The following ADAM10 variants were observed in gnomAD, a reference collection of about 807,000 sequenced individuals.
ADAM10 encodes the protein disintegrin and metalloproteinase domain-containing protein 10.
Under a neutral mutation model 90.1 loss-of-function variants are expected in ADAM10, and 17 were observed. The ratio of observed to expected loss-of-function variants is 0.19; its 90% CI spans 0.13 to 0.28. ADAM10 has a LOEUF of 0.28. Ranked by LOEUF, ADAM10 falls within the 10% of genes least tolerant of loss-of-function variation. The pLI, the probability that ADAM10 is intolerant of heterozygous loss-of-function variation, is 1.00. For missense variants in ADAM10, 610 were observed against 914.3 expected, an observed-to-expected ratio of 0.67 and a Z score of 4.29; for synonymous variants, 310 against 298.6, an observed-to-expected ratio of 1.04 and a Z score of -0.40.
chr15:58,606,362 A>C (rs1371223940), intron 14 of ADAM10, among the ~76,000 whole-genome samples: 1 of 152,254 alleles, frequency 6.6e-6, no homozygotes, highest in Non-Finnish European at 1.5e-5. Context: ...TTTAAGCTCA[A>C]CCTGGGCAAG....
chr15:58,672,386 G>A (rs1897212930), intron 4 of ADAM10: 1 of 154,878 alleles, frequency 6.5e-6, no homozygotes, highest in Non-Finnish European at 1.4e-5. Context: ...ACAAGAAGCA[G>A]CACTCATGCT....
intron 1 of ADAM10, among the ~76,000 whole-genome samples, chr15:58,731,507 T>A (rs12900343): frequency 0.14 from 21,836 of 151,998 alleles, 1,840 homozygotes; most frequent in South Asian, 0.33. Flanking sequence ...ACACACTTGT[T>A]GTCCCAGCTG....
intron 3 of ADAM10, among the ~76,000 whole-genome samples, chr15:58,680,687 G>A (rs1028216069): frequency 6.6e-6 from 1 of 152,108 alleles, no homozygotes; most frequent in African/African-American, 2.4e-5. Flanking sequence ...TACCCATTAC[G>A]ATTCTCTGAT....
intron 4 of ADAM10, among the ~76,000 whole-genome samples, chr15:58,666,200 AC>A (rs1404439067): frequency 1.3e-5 from 2 of 150,228 alleles, no homozygotes; most frequent in African/African-American, 4.9e-5. Flanking sequence ...TTTAAATCCC[AC>A]AGTCAATTAT....
intron 2 of ADAM10, among the ~76,000 whole-genome samples, chr15:58,690,623 G>T (rs1346836237): frequency 1.3e-5 from 2 of 152,146 alleles, no homozygotes; most frequent in Non-Finnish European, 2.9e-5. Context: ...GGACAGAAGA[G>T]AAAAAATACT....
chr15:58,704,517 C>G (rs1567003951), intron 2 of ADAM10, among the ~76,000 whole-genome samples: 1 of 152,148 alleles, frequency 6.6e-6, no homozygotes, highest in Non-Finnish European at 1.5e-5. Flanking sequence ...CTCTTTACCA[C>G]TTAAAAATGG....
At chr15:58,729,625 A>C (rs1221798219) in intron 1 of ADAM10, among the ~76,000 whole-genome samples, 3 of 152,140 alleles carry the variant, frequency 2.0e-5, no homozygotes, top group African/African-American at 4.8e-5. Flanking sequence ...TGAAATCCAA[A>C]ATGTTCCAAA....
chr15:58,748,889 G>GCC (rs1899880324), intron 1 of ADAM10: 2 of 399,242 alleles, frequency 5.0e-6, no homozygotes, highest in East Asian at 7.1e-5. Context: ...TCCACGGGCG[G>GCC]CCCCTCTGCA....
At chr15:58,616,786 A>T (rs1232382954) in intron 11 of ADAM10, among the ~76,000 whole-genome samples, 1 of 152,188 alleles carries the variant, frequency 6.6e-6, no homozygotes, top group Non-Finnish European at 1.5e-5. Context: ...AGATCAGAGC[A>T]GAAATAAACA....
rs559181203 is a variant in ADAM10, at chr15:58,615,779, G to A, written c.1512-3788C>T. Among the ~76,000 whole-genome samples, 8 of 152,130 alleles carry A rather than the reference G, an allele frequency of 5.3e-5. No homozygotes were observed. The East Asian group carries it at 5.8e-4, about 11-fold the overall frequency. On this transcript the variant is annotated intron_variant, in intron 11 of 15. Coordinates refer to ENST00000260408, the MANE Select transcript of ADAM10 (RefSeq NM_001110.4). ...TGCCAGCACTTTGGGAGGCCGAGGC[G>A]GGCAGATCACCTGAGGTCAGGAGTT... is the stretch of plus-strand genomic sequence containing the variant.
At chr15:58,715,571 G>A (rs1898631307) in intron 2 of ADAM10, among the ~76,000 whole-genome samples, 1 of 152,058 alleles carries the variant, frequency 6.6e-6, no homozygotes, top group Admixed American at 6.6e-5. Flanking sequence ...CATCACATGT[G>A]CCTTATACAA....
intron 8 of ADAM10, among the ~76,000 whole-genome samples, chr15:58,638,614 CAAAAAAAAAA>C (rs60048171): frequency 1.3e-5 from 1 of 78,218 alleles, no homozygotes; most frequent in African/African-American, 4.5e-5. Context: ...CACTCTGTCT[CAAAAAAAAAA>C]AAAAAAAAAA....
At chr15:58,749,355 G>T in intron 1 of ADAM10, 125 bp downstream of exon 1, 1 of 1,176,800 alleles carries the variant, frequency 8.5e-7, no homozygotes, top group Non-Finnish European at 1.1e-6. Flanking sequence ...CGGCCCGCCA[G>T]AGTGGCGCCG....
At chr15:58,727,481 G>C (rs561867026) in intron 1 of ADAM10, among the ~76,000 whole-genome samples, 2 of 151,900 alleles carry the variant, frequency 1.3e-5, no homozygotes, top group African/African-American at 4.8e-5. Flanking sequence ...GTGAGCCACC[G>C]CGCCCAGCCT....
chr15:58,658,517 T>A (rs924434884), intron 5 of ADAM10, among the ~76,000 whole-genome samples: 2 of 152,234 alleles, frequency 1.3e-5, no homozygotes, highest in Admixed American at 6.5e-5. Flanking sequence ...AGAATCAGTT[T>A]GTCAACTACT....
intron 5 of ADAM10, among the ~76,000 whole-genome samples, chr15:58,648,887 T>A (rs546219155): frequency 6.6e-6 from 1 of 152,084 alleles, no homozygotes; most frequent in African/African-American, 2.4e-5. Context: ...ATAATAGACA[T>A]ATTTTTGTTA....
At chr15:58,691,991 T>G (rs1171671999) in intron 2 of ADAM10, 8 of 451,370 alleles carry the variant, frequency 1.8e-5, no homozygotes, top group Non-Finnish European at 3.1e-5. Flanking sequence ...TTCTTAACAA[T>G]GTTTTTGCAA....
At chr15:58,691,210 GGTTCTCAAACTTTAC>G (rs1214099455) in intron 2 of ADAM10, 3 of 776,918 alleles carry the variant, frequency 3.9e-6, no homozygotes, top group Non-Finnish European at 7.0e-6. Flanking sequence ...AGCCTGCAGA[GGTTCTCAAACTTTAC>G]GTTGCTCTCC....
intron 11 of ADAM10, 42 bp from the exon 12 acceptor site, chr15:58,612,033 T>C (rs202221661): frequency 1.2e-5 from 19 of 1,542,620 alleles, no homozygotes; most frequent in Admixed American, 1.7e-5. Context: ...AAATCACTAG[T>C]TATTCCCTAT....
Sources: gnomAD v4.1 joint callset for allele counts (sites outside exome capture counted in the v4.1 genomes callset) on GRCh38, gnomAD v4.1.1 for gene constraint, MANE v1.5 for transcripts, NCBI Gene and HGNC (gene_info 2026-07-23, HGNC 2026-07-21) for gene names.